METTL8: variants seen among roughly 807,000 people sequenced by gnomAD.
METTL8 encodes the protein tRNA N(3)-cytidine methyltransferase METTL8, mitochondrial.
Under a neutral mutation model 48.7 loss-of-function variants are expected in METTL8, and 32 were observed. The observed-to-expected ratio is 0.66, with a 90% CI of 0.50 to 0.88. The LOEUF (loss-of-function observed/expected upper bound fraction) is 0.88, where lower values mean the gene tolerates loss of function less well. Among genes scored for constraint, METTL8 ranks in the 40% least tolerant of loss-of-function variants. The pLI is 0.00. For missense variants in METTL8, 464 were observed against 474.4 expected (o/e 0.98, Z 0.20); for synonymous variants, 136 against 157.1 (o/e 0.87, Z 1.01).
At chr2:171,341,620 T>C (rs778102225) in intron 3 of METTL8, among the ~76,000 whole-genome samples, 31 of 151,930 alleles carry the variant, frequency 2.0e-4, no homozygotes, top group Non-Finnish European at 3.5e-4. Flanking sequence ...TGCTATTATG[T>C]AATAGGCCTA....
At chr2:171,352,209 T>C (rs1213984531) in intron 3 of METTL8, among the ~76,000 whole-genome samples, 2 of 152,228 alleles carry the variant, frequency 1.3e-5, no homozygotes, top group East Asian at 3.8e-4. Flanking sequence ...TCTGCATCCA[T>C]TGAGATAATC....
intron 2 of METTL8, among the ~76,000 whole-genome samples, chr2:171,378,835 A>T (rs1323825640): frequency 6.6e-6 from 1 of 152,148 alleles, no homozygotes; most frequent in African/African-American, 2.4e-5. Context: ...CACTGTCAAT[A>T]CTGGACAGAT....
rs200347847 is a variant in METTL8 at position 171,363,792 on chromosome 2, T to TTATATATATATATA, written c.144-3293_144-3280dup. On this transcript the variant is annotated intron_variant, in intron 2 of 9. Transcript: ENST00000375258. ...GGTTAAAAAAGTACATCCCCAAATT[T>TTATATATATATATA]TATATATATATATATATATATATCT... Among the ~76,000 whole-genome samples the TTATATATATATATA allele has an allele frequency of 3.6e-3, 352 of 97,408 alleles. 7 individuals are homozygous for TTATATATATATATA. The highest frequency in any genetic ancestry group is 5.9e-3 in the Admixed American group (55 of 9,298). The allele number at this position is 97,408 out of a possible 152,430, so 63.9% of individuals were successfully genotyped here.
In METTL8 at chr2:171,360,475, G is replaced by C. The variant is rs144459446; in HGVS notation, c.182C>G (p.Ala61Gly). The stretch of plus-strand genomic sequence containing the variant: ...TGAGTTTTCTTTTACTTTTTTTCTG[G>C]CTGCTGCTTCTTCTTCCTTAGACCA... ...MQWSKEEEAA[A>G]RKKVKENSAV... Residue 61 changes from alanine (A) to glycine (G), a missense_variant, in exon 3 of 10, where the codon GCC becomes GGC. Physicochemically the swap from Ala to Gly is moderately conservative, Grantham distance 60. Coordinates refer to ENST00000375258, the MANE Select transcript of METTL8 (RefSeq NM_001321154.2). 3.7e-6 allele frequency: 6 copies of C among 1,613,172 alleles called. No homozygotes were observed. The African/African-American group carries it at 8.0e-5, about 22-fold the overall frequency.
At chr2:171,403,690 T>C (rs1209101106) in intron 1 of METTL8, among the ~76,000 whole-genome samples, 2 of 152,060 alleles carry the variant, frequency 1.3e-5, no homozygotes, top group Non-Finnish European at 2.9e-5. Context: ...GGAACCTCTC[T>C]ATACTAACTT....
At chr2:171,348,907 G>A (rs1182610113) in intron 3 of METTL8, among the ~76,000 whole-genome samples, 1 of 152,142 alleles carries the variant, frequency 6.6e-6, no homozygotes, top group Admixed American at 6.6e-5. Flanking sequence ...TAAGAGTTGG[G>A]TAAAGTGTCT....
intron 7 of METTL8, among the ~76,000 whole-genome samples, chr2:171,327,710 T>TA (rs1194164314): frequency 6.6e-6 from 1 of 152,184 alleles, no homozygotes; most frequent in African/African-American, 2.4e-5. Context: ...AAAGTCCTTT[T>TA]AAAAAAACTA....
At chr2:171,405,001 T>G (rs1010622702) in intron 1 of METTL8, among the ~76,000 whole-genome samples, 2 of 152,150 alleles carry the variant, frequency 1.3e-5, no homozygotes, top group Non-Finnish European at 2.9e-5. Context: ...TTGTGTGCAG[T>G]GAAACAGGAG....
chr2:171,336,404 T>C (rs1686112264), intron 5 of METTL8, among the ~76,000 whole-genome samples: 1 of 147,024 alleles, frequency 6.8e-6, no homozygotes, highest in Non-Finnish European at 1.5e-5. Context: ...TGCTTTTTTT[T>C]TTTTTTTTTT....
chr2:171,383,043 C>T (rs1041339630), intron 2 of METTL8, among the ~76,000 whole-genome samples: 2 of 152,024 alleles, frequency 1.3e-5, no homozygotes, highest in African/African-American at 4.8e-5. Flanking sequence ...CACTGCACTC[C>T]AGTCTGGGCG....
intron 1 of METTL8, among the ~76,000 whole-genome samples, chr2:171,396,985 G>C (rs1490697774): frequency 6.7e-6 from 1 of 149,286 alleles, no homozygotes; most frequent in African/African-American, 2.5e-5. Context: ...CACCACACCT[G>C]GCTACTTTTT....
chr2:171,371,743 G>A (rs1173305695), intron 2 of METTL8, among the ~76,000 whole-genome samples: 1 of 148,178 alleles, frequency 6.7e-6, no homozygotes, highest in Non-Finnish European at 1.5e-5. Flanking sequence ...GCAATCTTTC[G>A]GCCTCAGCCT....
chr2:171,335,949 TAAAAA>T (rs1207887817), intron 5 of METTL8, among the ~76,000 whole-genome samples: 1 of 152,188 alleles, frequency 6.6e-6, no homozygotes, highest in African/African-American at 2.4e-5. Context: ...TGTGTAAACT[TAAAAA>T]AGAATAGAGC....
chr2:171,373,877 C>T (rs1406552029), intron 2 of METTL8, among the ~76,000 whole-genome samples: 2 of 152,200 alleles, frequency 1.3e-5, no homozygotes, highest in Non-Finnish European at 2.9e-5. Context: ...GTTTTGGTTA[C>T]TGTAGGCTTG....
chr2:171,413,377 G>A (rs1226662486), intron 1 of METTL8, among the ~76,000 whole-genome samples: 1 of 152,064 alleles, frequency 6.6e-6, no homozygotes, highest in Non-Finnish European at 1.5e-5. Flanking sequence ...ACTTAATGCA[G>A]AAACAGATAT....
At chr2:171,383,164 G>C (rs1364960104) in intron 2 of METTL8, among the ~76,000 whole-genome samples, 2 of 152,106 alleles carry the variant, frequency 1.3e-5, no homozygotes, top group Non-Finnish European at 2.9e-5. Flanking sequence ...AACAGGGCAA[G>C]AGGAATCAGA....
intron 1 of METTL8, among the ~76,000 whole-genome samples, chr2:171,431,139 G>A (rs1298484564): frequency 6.6e-6 from 1 of 152,174 alleles, no homozygotes; most frequent in Non-Finnish European, 1.5e-5. Flanking sequence ...AAGAACCTAC[G>A]ACGTGCCCCA....
At chr2:171,419,794 C>T (rs1691692347) in intron 1 of METTL8, among the ~76,000 whole-genome samples, 1 of 152,018 alleles carries the variant, frequency 6.6e-6, no homozygotes, top group Non-Finnish European at 1.5e-5. Flanking sequence ...CTGTGCTGTA[C>T]ATAACACATG....
rs117346006 is a variant in METTL8, at chr2:171,366,174, G to A, written c.144-5661C>T. On this transcript the variant is annotated intron_variant, in intron 2 of 9. Transcript: ENST00000375258. Reference sequence around the variant, plus strand: ...GGATTCTAGGAATGAGGATGGAGAAGAGAGAACTGACAAGATAGGTAGTAC... The same window carrying A: ...GGATTCTAGGAATGAGGATGGAGAAAAGAGAACTGACAAGATAGGTAGTAC... 1.4e-3 allele frequency among the ~76,000 whole-genome samples: 212 copies of A among 152,308 alleles called. 3 individuals are homozygous for A. In the East Asian group the frequency reaches 0.014, roughly 10 times the overall value.
Sources: gnomAD v4.1 joint callset for allele counts (sites outside exome capture counted in the v4.1 genomes callset) on GRCh38, gnomAD v4.1.1 for gene constraint, MANE v1.5 for transcripts, NCBI Gene and HGNC (gene_info 2026-07-23, HGNC 2026-07-21) for gene names.